Variants in VPS13B observed in about 807,000 individuals in gnomAD.
VPS13B encodes the protein intermembrane lipid transfer protein VPS13B.
A neutral mutation model predicts 426.4 loss-of-function variants in VPS13B; 285 were observed. The ratio of observed to expected loss-of-function variants is 0.67; its 90% CI spans 0.61 to 0.74. VPS13B has a LOEUF of 0.74. Among genes scored for constraint, VPS13B ranks in the 30% least tolerant of loss-of-function variants. The pLI is 0.00. For synonymous variants in VPS13B, 1,676 were observed against 1,676.4 expected (o/e 1.00, Z 0.01); for missense variants, 4,537 against 4,782.6 (o/e 0.95, Z 1.51).
intron 25 of VPS13B, among the ~76,000 whole-genome samples, chr8:99,493,781 A>T (rs1460044224): frequency 9.1e-6 from 1 of 110,200 alleles, no homozygotes; most frequent in Admixed American, 9.2e-5. Flanking sequence ...GACTCTATCT[A>T]AAAAAAAAAA....
chr8:99,633,332 C>T (rs970121890), intron 33 of VPS13B, among the ~76,000 whole-genome samples: 2 of 152,044 alleles, frequency 1.3e-5, no homozygotes, highest in African/African-American at 4.8e-5. Context: ...TTCTATATTG[C>T]TGCAGAAACT....
At chr8:99,349,129 C>T (rs979162267) in intron 19 of VPS13B, among the ~76,000 whole-genome samples, 2 of 150,442 alleles carry the variant, frequency 1.3e-5, no homozygotes, top group East Asian at 1.9e-4. Context: ...GTCAGGAGAT[C>T]GAGACCATCC....
intron 8 of VPS13B, among the ~76,000 whole-genome samples, chr8:99,123,846 G>A (rs1848064148): frequency 6.6e-6 from 1 of 152,142 alleles, no homozygotes; most frequent in Non-Finnish European, 1.5e-5. Context: ...GAGAAGACTA[G>A]ATTTGAGATG....
At chr8:99,424,927 C>T (rs1447178170) in intron 21 of VPS13B, among the ~76,000 whole-genome samples, 1 of 152,092 alleles carries the variant, frequency 6.6e-6, no homozygotes, top group African/African-American at 2.4e-5. Flanking sequence ...TCAGAGAATA[C>T]CATAAACACC....
chr8:99,480,262 G>A (rs938906486), intron 24 of VPS13B, among the ~76,000 whole-genome samples: 2 of 152,284 alleles, frequency 1.3e-5, no homozygotes, highest in East Asian at 3.9e-4. Flanking sequence ...CGTTTAAAGT[G>A]TGTGTCATGG....
intron 25 of VPS13B, among the ~76,000 whole-genome samples, chr8:99,492,553 C>G (rs1288521873): frequency 6.6e-6 from 1 of 152,184 alleles, no homozygotes; most frequent in African/African-American, 2.4e-5. Flanking sequence ...ACTTAGTTTA[C>G]TTACTGAAGC....
intron 30 of VPS13B, among the ~76,000 whole-genome samples, chr8:99,540,016 TATATA>T (rs1823480573): frequency 4.5e-3 from 5 of 1,112 alleles, no homozygotes; most frequent in Non-Finnish European, 5.8e-3. Flanking sequence ...AAATAAATTA[TATATA>T]TATATATATA....
chr8:99,077,292 C>G (rs1037182754), intron 3 of VPS13B, among the ~76,000 whole-genome samples: 1 of 152,084 alleles, frequency 6.6e-6, no homozygotes, highest in Non-Finnish European at 1.5e-5. Context: ...CTTGCCTCAG[C>G]CTCCCGAGTA....
At chr8:99,045,868 T>G (rs1843218772) in intron 3 of VPS13B, among the ~76,000 whole-genome samples, 1 of 152,248 alleles carries the variant, frequency 6.6e-6, no homozygotes, top group Non-Finnish European at 1.5e-5. Context: ...GTATTTGGGC[T>G]TATTTCTGGG....
At chr8:99,468,581 G>T (rs1819235241) in intron 24 of VPS13B, among the ~76,000 whole-genome samples, 1 of 152,008 alleles carries the variant, frequency 6.6e-6, no homozygotes, top group Admixed American at 6.6e-5. Flanking sequence ...TGAGCTTGAT[G>T]GCACATGCCT....
intron 17 of VPS13B, among the ~76,000 whole-genome samples, chr8:99,262,354 A>G (rs1022579599): frequency 1.3e-5 from 2 of 152,190 alleles, no homozygotes; most frequent in Non-Finnish European, 1.5e-5. Context: ...AACAATAATA[A>G]AAGTACCTCT....
At chr8:99,079,620 G>C (rs1345207407) in intron 3 of VPS13B, among the ~76,000 whole-genome samples, 1 of 151,926 alleles carries the variant, frequency 6.6e-6, no homozygotes, top group Non-Finnish European at 1.5e-5. Context: ...GTGGATTGTT[G>C]AGTTGAAGTT....
intron 36 of VPS13B, among the ~76,000 whole-genome samples, chr8:99,703,601 A>C (rs768561484): frequency 1.3e-5 from 2 of 152,180 alleles, no homozygotes; most frequent in Non-Finnish European, 1.5e-5. Flanking sequence ...AACCCATCCC[A>C]TTCTATAGTA....
At chr8:99,342,150 G>A (rs1029367078) in intron 19 of VPS13B, among the ~76,000 whole-genome samples, 6 of 152,042 alleles carry the variant, frequency 3.9e-5, no homozygotes, top group Non-Finnish European at 8.8e-5. Flanking sequence ...CATATATGGG[G>A]TATAGCGTGA....
intron 30 of VPS13B, among the ~76,000 whole-genome samples, chr8:99,542,224 A>G (rs1823661628): frequency 6.6e-6 from 1 of 152,170 alleles, no homozygotes; most frequent in African/African-American, 2.4e-5. Context: ...GGCCTTTATT[A>G]TTGACATGGA....
intron 23 of VPS13B, among the ~76,000 whole-genome samples, chr8:99,455,158 T>C (rs1818388883): frequency 6.6e-6 from 1 of 152,178 alleles, no homozygotes. Flanking sequence ...CATTTGGTGT[T>C]AGGTGTAAAA....
intron 59 of VPS13B, among the ~76,000 whole-genome samples, chr8:99,870,230 A>ACAAT (rs2130970138): frequency 6.6e-6 from 1 of 152,282 alleles, no homozygotes; most frequent in South Asian, 2.1e-4. Flanking sequence ...ATTCAGTGAC[A>ACAAT]CAATCATAGC....
chr8:99,029,733 C>G (rs1842411575), intron 2 of VPS13B, among the ~76,000 whole-genome samples: 1 of 150,496 alleles, frequency 6.6e-6, no homozygotes, highest in South Asian at 2.1e-4. Context: ...GCAGTACAGT[C>G]CAGCTTTGGC....
chr8:99,728,608 G>A (rs528680595), intron 39 of VPS13B, among the ~76,000 whole-genome samples: 14 of 152,126 alleles, frequency 9.2e-5, no homozygotes, highest in South Asian at 4.2e-4. Context: ...TGTTAATGTC[G>A]TAATAATTGT....
Sources: gnomAD v4.1 joint callset for allele counts (sites outside exome capture counted in the v4.1 genomes callset) on GRCh38, gnomAD v4.1.1 for gene constraint, MANE v1.5 for transcripts, NCBI Gene and HGNC (gene_info 2026-07-23, HGNC 2026-07-21) for gene names.